Variants in OSBPL10 observed in about 807,000 individuals in gnomAD.
OSBPL10 encodes the protein oxysterol-binding protein-related protein 10.
A neutral mutation model predicts 81.7 loss-of-function variants in OSBPL10; 49 were observed. That is an observed-to-expected ratio of 0.60 (90% CI 0.48 to 0.76). The LOEUF is 0.76. Ranked by LOEUF, OSBPL10 falls within the 30% of genes least tolerant of loss-of-function variation. OSBPL10 has a pLI of 0.00. For missense variants in OSBPL10, 923 were observed against 987.8 expected (o/e 0.93, Z 0.88); for synonymous variants, 419 against 383.6 (o/e 1.09, Z -1.08).
intron 3 of OSBPL10, among the ~76,000 whole-genome samples, chr3:31,864,602 G>A (rs556224732): frequency 1.3e-5 from 2 of 152,084 alleles, no homozygotes; most frequent in African/African-American, 2.4e-5. Context: ...GGAGGGAAAG[G>A]CATTCCCAGC....
At chr3:31,757,656 T>C (rs1179617141) in intron 4 of OSBPL10, among the ~76,000 whole-genome samples, 5 of 152,236 alleles carry the variant, frequency 3.3e-5, no homozygotes, top group African/African-American at 4.8e-5. Flanking sequence ...AATGATTGCA[T>C]GTATAAGAGC....
chr3:31,829,672 T>A (rs1297036709), intron 4 of OSBPL10, among the ~76,000 whole-genome samples: 4 of 152,192 alleles, frequency 2.6e-5, no homozygotes, highest in Admixed American at 2.0e-4. Flanking sequence ...GTATCTGCGT[T>A]ATGTCTAGCA....
chr3:31,820,432 TA>T (rs1247310501), intron 4 of OSBPL10, among the ~76,000 whole-genome samples: 1 of 151,986 alleles, frequency 6.6e-6, no homozygotes, highest in Non-Finnish European at 1.5e-5. Flanking sequence ...CCGTTTCTAC[TA>T]AAAATAGAAA....
intron 3 of OSBPL10, among the ~76,000 whole-genome samples, chr3:31,857,292 A>C (rs149912879): frequency 4.6e-5 from 7 of 152,344 alleles, no homozygotes; most frequent in African/African-American, 1.4e-4. Flanking sequence ...AGCTCCCCTC[A>C]AAGAGCATTA....
At chr3:31,730,169 C>T (rs1209816413) in intron 6 of OSBPL10, among the ~76,000 whole-genome samples, 3 of 152,032 alleles carry the variant, frequency 2.0e-5, no homozygotes, top group African/African-American at 4.8e-5. Flanking sequence ...GGTGAAACCC[C>T]GTCTCTACTA....
At chr3:31,749,160 C>G (rs1463242622) in intron 4 of OSBPL10, among the ~76,000 whole-genome samples, 1 of 152,184 alleles carries the variant, frequency 6.6e-6, no homozygotes. Context: ...ACTGTCATCC[C>G]TGGAGGATCC....
chr3:32,032,338 C>T (rs1429658304), intron 2 of OSBPL10, among the ~76,000 whole-genome samples: 1 of 151,876 alleles, frequency 6.6e-6, no homozygotes, highest in African/African-American at 2.4e-5. Context: ...TCTCTTGAAC[C>T]CGGGAGGCAG....
At chr3:31,850,848 T>C (rs953658703) in intron 3 of OSBPL10, among the ~76,000 whole-genome samples, 1 of 152,094 alleles carries the variant, frequency 6.6e-6, no homozygotes, top group African/African-American at 2.4e-5. Flanking sequence ...AAGAAACAAG[T>C]ACAAAAAAGA....
intron 7 of OSBPL10, among the ~76,000 whole-genome samples, chr3:31,701,430 G>A (rs916980129): frequency 1.6e-4 from 24 of 152,094 alleles, no homozygotes; most frequent in African/African-American, 5.3e-4. Flanking sequence ...TACCACAGTC[G>A]AACCACATAA....
chr3:31,938,080 C>T (rs1697430845), intron 1 of OSBPL10, among the ~76,000 whole-genome samples: 1 of 152,188 alleles, frequency 6.6e-6, no homozygotes, highest in Admixed American at 6.5e-5. Flanking sequence ...AAACATCTCA[C>T]TGCATTTCCT....
In OSBPL10 at chr3:31,661,109, T is replaced by C. The variant is rs945294303; in HGVS notation, c.*963A>G. On this transcript the variant is annotated 3_prime_UTR_variant, in exon 12 of 12. Transcript: ENST00000396556. ...CCATGGAATATTTATGCAGGCGTTA[T>C]GTATGTTTTAGTCACAGTGCTTTCT... The C allele has an allele frequency of 3.3e-5, 5 of 152,640 alleles. No individual in the cohort carries two copies. The highest frequency in any genetic ancestry group is 9.6e-5 in the African/African-American group (4 of 41,458). 9.5% of individuals were successfully genotyped at this position (152,640 alleles called of 1,614,324 possible).
chr3:31,705,711 A>C (rs1279679357), intron 6 of OSBPL10, among the ~76,000 whole-genome samples: 1 of 151,230 alleles, frequency 6.6e-6, no homozygotes, highest in Non-Finnish European at 1.5e-5. Flanking sequence ...CCACATCCAC[A>C]CTCCCCTTCT....
intron 1 of OSBPL10, among the ~76,000 whole-genome samples, chr3:31,909,984 T>G (rs901780658): frequency 2.7e-3 from 225 of 83,826 alleles, no homozygotes; most frequent in African/African-American, 0.02. Context: ...CTCCTGGCCT[T>G]TTTTTTTTTT....
At chr3:31,951,711 T>C (rs963885770) in intron 1 of OSBPL10, among the ~76,000 whole-genome samples, 1 of 150,818 alleles carries the variant, frequency 6.6e-6, no homozygotes, top group Middle Eastern at 3.5e-3. Flanking sequence ...TAAATGTTAA[T>C]TTAAACTATA....
rs766994357 is a variant in OSBPL10, at chr3:31,749,806, C to T, written c.730-1686G>A. 2.4e-4 allele frequency among the ~76,000 whole-genome samples: 37 copies of T among 151,820 alleles called. 1 individual carries two copies. The South Asian group carries it at 2.5e-3, about 10-fold the overall frequency. On this transcript the variant is annotated intron_variant, in intron 4 of 11. Coordinates refer to ENST00000396556, the MANE Select transcript of OSBPL10 (RefSeq NM_017784.5). Reference sequence around the variant, plus strand: ...CTCCAGCCTGGGTGACAGAGTGAGACGCCATCTCAAAAATAAATACATAAA... The same window carrying T: ...CTCCAGCCTGGGTGACAGAGTGAGATGCCATCTCAAAAATAAATACATAAA...
intron 1 of OSBPL10, among the ~76,000 whole-genome samples, chr3:31,889,369 T>C (rs1695829637): frequency 1.3e-5 from 2 of 152,114 alleles, no homozygotes; most frequent in Non-Finnish European, 2.9e-5. Flanking sequence ...TGCAGCACTA[T>C]TCACAATAGC....
At chr3:31,830,495 C>A (rs1178193165) in intron 3 of OSBPL10, among the ~76,000 whole-genome samples, 3 of 152,088 alleles carry the variant, frequency 2.0e-5, no homozygotes, top group African/African-American at 7.2e-5. Flanking sequence ...AAAATCCTGC[C>A]CCCCACCGTC....
At chr3:31,866,073 T>C (rs368451143) in intron 3 of OSBPL10, among the ~76,000 whole-genome samples, 22 of 152,106 alleles carry the variant, frequency 1.4e-4, no homozygotes, top group East Asian at 1.2e-3. Flanking sequence ...GCCCTCTGGC[T>C]CACACCCCAG....
At chr3:31,708,941 C>T (rs368573837) in intron 6 of OSBPL10, 11 of 985,294 alleles carry the variant, frequency 1.1e-5, no homozygotes, top group South Asian at 4.7e-5. Flanking sequence ...TGCTGCAGGG[C>T]GGCTGTTGAA....
Sources: gnomAD v4.1 joint callset for allele counts (sites outside exome capture counted in the v4.1 genomes callset) on GRCh38, gnomAD v4.1.1 for gene constraint, MANE v1.5 for transcripts, NCBI Gene and HGNC (gene_info 2026-07-23, HGNC 2026-07-21) for gene names.